Variants in COX7B2 observed in about 807,000 individuals in gnomAD.
COX7B2 encodes cytochrome c oxidase subunit 7B2.
For synonymous variants in COX7B2, 37 were observed against 32.1 expected (o/e 1.15, Z -0.51); for missense variants, 109 against 95.9 (o/e 1.14, Z -0.57).
intron 2 of COX7B2, among the ~76,000 whole-genome samples, chr4:46,809,357 A>G (rs895713401): frequency 6.6e-6 from 1 of 151,584 alleles, no homozygotes; most frequent in African/African-American, 2.4e-5. Context: ...CTTGAGGCTT[A>G]ATGTTAGACT....
intron 2 of COX7B2, among the ~76,000 whole-genome samples, chr4:46,762,187 A>G (rs1342367162): frequency 6.9e-6 from 1 of 144,880 alleles, no homozygotes; most frequent in Non-Finnish European, 1.5e-5. Flanking sequence ...CAAAACATAT[A>G]TTGTGTATAA....
intron 1 of COX7B2, among the ~76,000 whole-genome samples, chr4:46,885,892 G>A (rs370275071): frequency 1.6e-4 from 24 of 152,140 alleles, no homozygotes; most frequent in African/African-American, 5.3e-4. Flanking sequence ...ACCTAAATGA[G>A]GCTTTTCCAA....
At chr4:46,833,517 T>C (rs1019251126) in intron 2 of COX7B2, among the ~76,000 whole-genome samples, 6 of 152,196 alleles carry the variant, frequency 3.9e-5, no homozygotes, top group Non-Finnish European at 8.8e-5. Flanking sequence ...AGCATTCATA[T>C]ACTTTTTGAT....
chr4:46,830,667 G>A (rs1419815575), intron 2 of COX7B2, among the ~76,000 whole-genome samples: 5 of 152,158 alleles, frequency 3.3e-5, no homozygotes, highest in African/African-American at 1.2e-4. Context: ...GAAAAACCTT[G>A]AAATCTAAGT....
At chr4:46,840,447 G>A (rs1455703515) in intron 2 of COX7B2, among the ~76,000 whole-genome samples, 1 of 151,940 alleles carries the variant, frequency 6.6e-6, no homozygotes, top group African/African-American at 2.4e-5. Context: ...CTGTCATGAG[G>A]GATAGTTGGG....
chr4:46,847,443 A>G (rs1716362963), intron 1 of COX7B2, among the ~76,000 whole-genome samples: 1 of 152,040 alleles, frequency 6.6e-6, no homozygotes, highest in South Asian at 2.1e-4. Context: ...ACTTGAGTAA[A>G]TTTAGAAAGA....
chr4:46,757,350 T>A (rs1715863109), intron 2 of COX7B2, among the ~76,000 whole-genome samples: 1 of 152,078 alleles, frequency 6.6e-6, no homozygotes, highest in Admixed American at 6.6e-5. Flanking sequence ...AAAAACTACC[T>A]ACTGGTTACA....
intron 2 of COX7B2, among the ~76,000 whole-genome samples, chr4:46,820,922 T>C (rs1328190191): frequency 5.3e-5 from 8 of 151,798 alleles, no homozygotes; most frequent in Non-Finnish European, 1.2e-4. Flanking sequence ...ACGTAAGAGT[T>C]GAAAATTTAG....
intron 1 of COX7B2, among the ~76,000 whole-genome samples, chr4:46,872,748 G>T (rs1252344899): frequency 6.6e-6 from 1 of 152,100 alleles, no homozygotes; most frequent in Non-Finnish European, 1.5e-5. Context: ...ACAAATTACT[G>T]ATTCATTTTG....
At chr4:46,897,372 C>T (rs1231939110) in intron 1 of COX7B2, among the ~76,000 whole-genome samples, 1 of 152,206 alleles carries the variant, frequency 6.6e-6, no homozygotes, top group Non-Finnish European at 1.5e-5. Context: ...CCAACACCAG[C>T]TCAGCTGGAT....
At chr4:46,798,501 A>C (rs1718478945) in intron 2 of COX7B2, among the ~76,000 whole-genome samples, 1 of 152,214 alleles carries the variant, frequency 6.6e-6, no homozygotes, top group Non-Finnish European at 1.5e-5. Context: ...TCAGAGATAG[A>C]AATGCCATTT....
intron 2 of COX7B2, among the ~76,000 whole-genome samples, chr4:46,793,290 G>A (rs1030284985): frequency 2.6e-5 from 4 of 151,842 alleles, no homozygotes; most frequent in African/African-American, 9.7e-5. Context: ...GTATCTTCCC[G>A]GCTGGATGGG....
intron 1 of COX7B2, among the ~76,000 whole-genome samples, chr4:46,877,637 T>C (rs2109838505): frequency 6.6e-6 from 1 of 152,170 alleles, no homozygotes; most frequent in South Asian, 2.1e-4. Flanking sequence ...TCAACATCAA[T>C]AATAATCAAG....
intron 1 of COX7B2, chr4:46,904,085 A>G (rs780999759): frequency 6.6e-6 from 1 of 152,238 alleles, no homozygotes; most frequent in Non-Finnish European, 1.5e-5. Context: ...TGAATCAAAG[A>G]TTTAAATGTA....
At chr4:46,771,651 A>G (rs1174218388) in intron 2 of COX7B2, among the ~76,000 whole-genome samples, 1 of 152,078 alleles carries the variant, frequency 6.6e-6, no homozygotes, top group Admixed American at 6.6e-5. Flanking sequence ...TTGAGTGCCA[A>G]CATCATACTC....
chr4:46,858,383 C>G (rs1717131430), intron 1 of COX7B2, among the ~76,000 whole-genome samples: 1 of 152,176 alleles, frequency 6.6e-6, no homozygotes, highest in Admixed American at 6.5e-5. Flanking sequence ...GCATGAGCCA[C>G]CACGCTTGGC....
intron 2 of COX7B2, among the ~76,000 whole-genome samples, chr4:46,834,666 C>T (rs1293697781): frequency 1.3e-5 from 2 of 151,946 alleles, no homozygotes; most frequent in African/African-American, 4.8e-5. Context: ...TGTTATCTTG[C>T]CTTATCAGTC....
chr4:46,876,759 A>T (rs1253693694), intron 1 of COX7B2: 2 of 152,298 alleles, frequency 1.3e-5, no homozygotes, highest in Non-Finnish European at 2.9e-5. Context: ...ATAGAAAAAA[A>T]GGAGAAATCT....
chr4:46,901,318 A>C (rs1720057371), intron 1 of COX7B2, among the ~76,000 whole-genome samples: 1 of 152,198 alleles, frequency 6.6e-6, no homozygotes, highest in African/African-American at 2.4e-5. Flanking sequence ...AGACATTCTC[A>C]ATCAACAGAT....
Sources: allele counts gnomAD v4.1 joint callset (sites outside exome capture counted in the v4.1 genomes callset), GRCh38; gene constraint gnomAD v4.1.1; transcripts MANE v1.5; gene names NCBI Gene and HGNC (gene_info 2026-07-23, HGNC 2026-07-21).